Variants in GPRC5A observed in about 807,000 individuals in gnomAD.
GPRC5A encodes retinoic acid-induced protein 3.
In GPRC5A, 19 loss-of-function variants were observed where a neutral mutation model predicts 22.5. The ratio of observed to expected loss-of-function variants is 0.85; its 90% confidence interval spans 0.59 to 1.24. The LOEUF (loss-of-function observed/expected upper bound fraction) is 1.24, where lower values mean the gene tolerates loss of function less well. Among genes scored for constraint, GPRC5A ranks in the 50% most tolerant of loss-of-function variants. The probability of loss-of-function intolerance (pLI) is 0.00; values close to 1 mark genes in which losing one functional copy is unlikely to be tolerated. For missense variants in GPRC5A, 471 were observed against 451.1 expected, an observed-to-expected ratio of 1.04 and a Z score of -0.40; for synonymous variants, 192 against 184.5, an observed-to-expected ratio of 1.04 and a Z score of -0.33.
chr12:12,894,866 C>A (rs1453498888), intron 1 of GPRC5A, among the ~76,000 whole-genome samples: 1 of 141,742 alleles, frequency 7.1e-6, no homozygotes, highest in African/African-American at 2.6e-5. Context: ...GCAAGCTCTG[C>A]CTCCCGGGTT....
At position 12,909,028 on chromosome 12, in the gene GPRC5A, A is replaced by G. The variant is rs1279777904; in HGVS notation, c.779A>G (p.Tyr260Cys). Residue 260 changes from tyrosine (Y) to cysteine (C), a missense_variant, in exon 2 of 4, where the codon TAT becomes TGT. Physicochemically the swap from Tyr to Cys is radical, Grantham distance 194 (BLOSUM62 -2). Coordinates refer to ENST00000014914, the MANE Select transcript of GPRC5A (RefSeq NM_003979.4). ...AANGWVFLLA[Y>C]VSPEFWLLTK... ...AATGGCTGGGTGTTCCTGTTGGCTT[A>G]TGTTAGTCCCGAGTTTTGGCTGCTC... 1 of 1,613,368 alleles carries G rather than the reference A, an allele frequency of 6.2e-7. No homozygotes were observed. Among genetic ancestry groups the G allele is most frequent in the Non-Finnish European group, 8.5e-7 (1 of 1,180,020 alleles).
intron 1 of GPRC5A, among the ~76,000 whole-genome samples, chr12:12,902,707 G>T (rs922825463): frequency 1.3e-5 from 2 of 152,052 alleles, no homozygotes; most frequent in African/African-American, 4.8e-5. Context: ...GGAAGTCAAG[G>T]CTCCAGTGAG....
chr12:12,911,786 C>T (rs1353721700), intron 2 of GPRC5A, among the ~76,000 whole-genome samples: 4 of 152,322 alleles, frequency 2.6e-5, no homozygotes, highest in Non-Finnish European at 4.4e-5. Flanking sequence ...CCATGCCCAG[C>T]CCATGACTTT....
In GPRC5A at chr12:12,917,009, G is replaced by C. The variant is rs1819192870; in HGVS notation, c.*4470G>C. On this transcript the variant is annotated 3_prime_UTR_variant, in exon 4 of 4. Transcript: ENST00000014914. Reference sequence around the variant, plus strand: ...GAAACATGGGATTATTTCAGAATTGGAGGTGGCAGCTTCAGAAAAAAATCC... The same window carrying C: ...GAAACATGGGATTATTTCAGAATTGCAGGTGGCAGCTTCAGAAAAAAATCC... 6.6e-6 allele frequency: 1 copy of C among 152,148 alleles called. No individual in the cohort carries two copies. Among genetic ancestry groups the C allele is most frequent in the Non-Finnish European group, 1.5e-5 (1 of 68,050 alleles). The allele number at this position is 152,148 out of a possible 1,614,324, so 9.4% of individuals were successfully genotyped here.
intron 1 of GPRC5A, among the ~76,000 whole-genome samples, chr12:12,893,961 C>T (rs1030443770): frequency 2.6e-5 from 4 of 152,270 alleles, no homozygotes; most frequent in Non-Finnish European, 5.9e-5. Context: ...AGGGTTTCAC[C>T]ATGTTGGCCA....
intron 1 of GPRC5A, among the ~76,000 whole-genome samples, chr12:12,902,658 T>G (rs1863901432): frequency 1.3e-5 from 2 of 152,056 alleles, no homozygotes. Flanking sequence ...TAGTTTCAGC[T>G]TCTTGTGGGT....
At chr12:12,893,317 A>G (rs1863783786) in intron 1 of GPRC5A, among the ~76,000 whole-genome samples, 1 of 152,216 alleles carries the variant, frequency 6.6e-6, no homozygotes, top group Non-Finnish European at 1.5e-5. Flanking sequence ...CTTGAATGGT[A>G]ATCGAAGACA....
intron 1 of GPRC5A, among the ~76,000 whole-genome samples, chr12:12,897,753 C>G (rs563394743): frequency 6.6e-6 from 1 of 151,588 alleles, no homozygotes; most frequent in South Asian, 2.1e-4. Context: ...GGACTACAGG[C>G]GTGAGCCACC....
chr12:12,910,174 T>G (rs1863988567), intron 2 of GPRC5A, among the ~76,000 whole-genome samples: 1 of 152,140 alleles, frequency 6.6e-6, no homozygotes, highest in Non-Finnish European at 1.5e-5. Context: ...AAGGCCATGT[T>G]CTTAGCTCCA....
intron 1 of GPRC5A, among the ~76,000 whole-genome samples, chr12:12,903,147 A>T (rs141545766): frequency 6.6e-6 from 1 of 152,344 alleles, no homozygotes; most frequent in African/African-American, 2.4e-5. Context: ...TTGCTTAAAA[A>T]TAGTCTAGGG....
intron 2 of GPRC5A, chr12:12,909,804 A>T (rs1863983653): frequency 6.6e-6 from 1 of 152,208 alleles, no homozygotes; most frequent in Non-Finnish European, 1.5e-5. Context: ...ACATACAAGA[A>T]TCAAATGATT....
intron 1 of GPRC5A, among the ~76,000 whole-genome samples, chr12:12,899,821 AG>A (rs1212161303): frequency 6.6e-6 from 1 of 152,228 alleles, no homozygotes; most frequent in Non-Finnish European, 1.5e-5. Flanking sequence ...GCTGGCGCGA[AG>A]ACACATTTTG....
Position 12,915,573 on chromosome 12 carries a change from G to A in GPRC5A, c.*3034G>A, listed in dbSNP as rs941572568. The A allele has an allele frequency of 1.9e-5, 3 of 155,998 alleles. No homozygotes were observed. The highest frequency in any genetic ancestry group is 4.3e-5 in the Non-Finnish European group (3 of 70,220). The allele number at this position is 155,998 out of a possible 1,614,324, so 9.7% of individuals were successfully genotyped here. On this transcript the variant is annotated 3_prime_UTR_variant, in exon 4 of 4. Coordinates refer to ENST00000014914, the MANE Select transcript of GPRC5A (RefSeq NM_003979.4). The stretch of plus-strand genomic sequence containing the variant: ...CTTCCTCAAGTCAACCTCTTTCCCC[G>A]GAAATGGCATCATCTCTGGACTGTT...
chr12:12,902,820 C>CA (rs1359749379), intron 1 of GPRC5A, among the ~76,000 whole-genome samples: 1 of 152,130 alleles, frequency 6.6e-6, no homozygotes, highest in Non-Finnish European at 1.5e-5. Context: ...GTAATCCCAG[C>CA]ACTTTGGGAT....
rs2136464678 is a variant in GPRC5A, at chr12:12,914,565, T to TTTCTTTCTTTCTTTCG, written c.*2041_*2042insGTTCTTTCTTTCTTTC. ...CCTTCCTTTCTTCTTTCTTTCTTTCTTTCTTTCTTTCTTTCTTTCTTTCTT... is the reference window on the plus strand; with the variant it reads ...CCTTCCTTTCTTCTTTCTTTCTTTCTTTCTTTCTTTCTTTCGTTCTTTCTTTCTTTCTTTCTTTCTT... On this transcript the variant is annotated 3_prime_UTR_variant, in exon 4 of 4. Coordinates refer to ENST00000014914, the MANE Select transcript of GPRC5A (RefSeq NM_003979.4). The TTTCTTTCTTTCTTTCG allele has an allele frequency of 1.4e-5, 1 of 70,050 alleles. No homozygotes were observed. The highest frequency in any genetic ancestry group is 4.5e-4 in the South Asian group (1 of 2,206). 4.3% of individuals were successfully genotyped at this position (70,050 alleles called of 1,614,324 possible). A position where few individuals can be genotyped will look rare whatever the true frequency, so the allele number is the denominator to read the frequency against.
At chr12:12,900,189 C>T (rs1863866749) in intron 1 of GPRC5A, among the ~76,000 whole-genome samples, 1 of 152,160 alleles carries the variant, frequency 6.6e-6, no homozygotes. Flanking sequence ...TTCTTCAGAC[C>T]CTTCAACCTT....
At chr12:12,912,301 G>A in intron 3 of GPRC5A, 146 bp from the exon 4 acceptor site, 1 of 836,478 alleles carries the variant, frequency 1.2e-6, no homozygotes, top group Non-Finnish European at 2.1e-6. Flanking sequence ...GGGTTAGTGG[G>A]TAAGAATGAG....
Position 12,908,382 on chromosome 12 carries a change from T to C in GPRC5A, c.133T>C (p.Phe45Leu), listed in dbSNP as rs559305267. The stretch of plus-strand genomic sequence containing the variant: ...AGCCGGGGTTGTGACCTCGGTGGCC[T>C]TCATGCTCACTCTCCCGATCCTCGT... ...ATAGVVTSVA[F>L]MLTLPILVCK... The change falls in exon 2 of 4, where the codon TTC (phenylalanine) becomes CTC (leucine). Residue 45 changes from phenylalanine to leucine, a missense_variant. Phe to Leu is a conservative substitution (Grantham distance 22, BLOSUM62 0). Transcript: ENST00000014914. 6.2e-7 allele frequency: 1 copy of C among 1,614,106 alleles called. No homozygotes were observed. Among genetic ancestry groups the C allele is most frequent in the African/African-American group, 1.3e-5 (1 of 75,040 alleles).
chr12:12,904,977 C>T (rs568978392), intron 1 of GPRC5A, among the ~76,000 whole-genome samples: 39 of 150,842 alleles, frequency 2.6e-4, no homozygotes, highest in African/African-American at 3.4e-4. Flanking sequence ...CTCTGCCTCC[C>T]GGGTTCAAGC....
Sources: allele counts gnomAD v4.1 joint callset (sites outside exome capture counted in the v4.1 genomes callset), GRCh38; gene constraint gnomAD v4.1.1; transcripts MANE v1.5; gene names NCBI Gene and HGNC (gene_info 2026-07-23, HGNC 2026-07-21).